Variants in C8orf89 observed in about 807,000 individuals in gnomAD.
C8orf89 encodes chromosome 8 open reading frame 89, also known as putative uncharacterized protein C8orf89.
A neutral mutation model predicts 15.8 loss-of-function variants in C8orf89; 14 were observed. That is an observed-to-expected ratio of 0.89 (90% confidence interval 0.59 to 1.39). The LOEUF (loss-of-function observed/expected upper bound fraction) is 1.39, where lower values mean the gene tolerates loss of function less well. Among genes scored for constraint, C8orf89 ranks in the 40% most tolerant of loss-of-function variants. The probability of loss-of-function intolerance (pLI) is 0.00; values close to 1 mark genes in which losing one functional copy is unlikely to be tolerated. For missense variants in C8orf89, 181 were observed against 184.5 expected (o/e 0.98, Z 0.11); for synonymous variants, 55 against 62.2 (o/e 0.88, Z 0.54).
chr8:73,272,473 A>G, the C8orf89 span, among the ~76,000 whole-genome samples: 1 of 151,956 alleles, frequency 6.6e-6, no homozygotes, highest in Non-Finnish European at 1.5e-5. Context: ...TTTTTATTAT[A>G]CTTTAAGTTC....
chr8:73,276,043 T>G, the C8orf89 span, among the ~76,000 whole-genome samples: 2 of 152,264 alleles, frequency 1.3e-5, no homozygotes, highest in African/African-American at 4.8e-5. Context: ...TTATTTCTGT[T>G]TGGTTTTTGT....
At chr8:73,253,368 G>A (rs534478143) in intron 2 of C8orf89, among the ~76,000 whole-genome samples, 14 of 152,262 alleles carry the variant, frequency 9.2e-5, no homozygotes, top group African/African-American at 2.6e-4. Flanking sequence ...GTCAGGTAGC[G>A]TGATGCCTCC....
At chr8:73,268,485 CA>C in the C8orf89 span, among the ~76,000 whole-genome samples, 10 of 143,460 alleles carry the variant, frequency 7.0e-5, no homozygotes, top group Admixed American at 1.4e-4. Flanking sequence ...TCTCAAAAAA[CA>C]AAAAAAAAAG....
intron 3 of C8orf89, among the ~76,000 whole-genome samples, chr8:73,250,052 G>C (rs1426475316): frequency 6.6e-6 from 1 of 152,118 alleles, no homozygotes; most frequent in Non-Finnish European, 1.5e-5. Flanking sequence ...TGGCCCAAGT[G>C]AGATATGATG....
chr8:73,281,646 T>C, the C8orf89 span, among the ~76,000 whole-genome samples: 1 of 152,166 alleles, frequency 6.6e-6, no homozygotes, highest in Non-Finnish European at 1.5e-5. Flanking sequence ...TTTGTTTGTT[T>C]GTTTGTTTAT....
At chr8:73,265,577 C>A in the C8orf89 span, among the ~76,000 whole-genome samples, 3 of 152,128 alleles carry the variant, frequency 2.0e-5, no homozygotes, top group Non-Finnish European at 4.4e-5. Flanking sequence ...TGGGCAATGA[C>A]ACAGAGGTAT....
the C8orf89 span, among the ~76,000 whole-genome samples, chr8:73,274,450 C>T: frequency 6.6e-6 from 1 of 152,122 alleles, no homozygotes; most frequent in South Asian, 2.1e-4. Flanking sequence ...CGCACCTGGC[C>T]ATTTCATCTT....
upstream of C8orf89, among the ~76,000 whole-genome samples, chr8:73,261,725 A>C (rs186291391): frequency 1.6e-4 from 24 of 152,280 alleles, no homozygotes; most frequent in East Asian, 3.7e-3. Flanking sequence ...GACAGTAAGG[A>C]GCTACAGAGC....
chr8:73,269,446 A>T, the C8orf89 span, among the ~76,000 whole-genome samples: 1 of 152,150 alleles, frequency 6.6e-6, no homozygotes. Context: ...CTAATACAGA[A>T]TTTTTCCAAA....
upstream of C8orf89, among the ~76,000 whole-genome samples, chr8:73,260,890 C>T (rs942950188): frequency 1.3e-5 from 2 of 152,146 alleles, no homozygotes; most frequent in Non-Finnish European, 2.9e-5. Context: ...TGGGTGGACA[C>T]GATCTAATCA....
At chr8:73,256,447 G>A (rs1813387435) in intron 2 of C8orf89, among the ~76,000 whole-genome samples, 1 of 151,856 alleles carries the variant, frequency 6.6e-6, no homozygotes, top group South Asian at 2.1e-4. Flanking sequence ...CCTTAAATCG[G>A]GGGTGGGTGC....
upstream of C8orf89, among the ~76,000 whole-genome samples, chr8:73,263,284 G>C (rs1429676755): frequency 1.3e-5 from 2 of 152,164 alleles, no homozygotes; most frequent in Non-Finnish European, 2.9e-5. Context: ...AGGCTGAGGT[G>C]GGTGGATCAG....
At chr8:73,285,552 C>T in the C8orf89 span, among the ~76,000 whole-genome samples, 1 of 152,256 alleles carries the variant, frequency 6.6e-6, no homozygotes, top group Non-Finnish European at 1.5e-5. Flanking sequence ...TGGCAAGTCC[C>T]CTGAGCCTCC....
At chr8:73,242,492 G>A (rs1221233304) in intron 3 of C8orf89, among the ~76,000 whole-genome samples, 2 of 151,960 alleles carry the variant, frequency 1.3e-5, no homozygotes, top group Non-Finnish European at 2.9e-5. Context: ...AGTTAAATGG[G>A]CCAAAAGACC....
rs559254473 is a variant in C8orf89 at position 73,257,998 on chromosome 8, G to A, written c.128-872C>T. 2.2e-4 allele frequency among the ~76,000 whole-genome samples: 34 copies of A among 152,278 alleles called. No homozygotes were observed. The South Asian group carries it at 2.7e-3, about 12-fold the overall frequency. Reference sequence around the variant, plus strand: ...ATTAGATTTGGGGGGTAGAAGGGTGGATAAACTGCTGTCTGAGTACCTTTA... The same window carrying A: ...ATTAGATTTGGGGGGTAGAAGGGTGAATAAACTGCTGTCTGAGTACCTTTA... On this transcript the variant is annotated intron_variant, in intron 1 of 3. Coordinates refer to ENST00000624510, the MANE Select transcript of C8orf89 (RefSeq NM_001243237.3).
chr8:73,271,439 G>A, the C8orf89 span, among the ~76,000 whole-genome samples: 5 of 152,082 alleles, frequency 3.3e-5, no homozygotes, highest in Non-Finnish European at 5.9e-5. Context: ...AGGGAGTTGT[G>A]ATAAAGCCAG....
At chr8:73,258,707 C>T (rs529016664) in intron 1 of C8orf89, among the ~76,000 whole-genome samples, 2 of 150,432 alleles carry the variant, frequency 1.3e-5, no homozygotes, top group African/African-American at 4.9e-5. Context: ...TGGCTCACTG[C>T]AGCCTCACCC....
chr8:73,256,414 A>G (rs1029483117), intron 2 of C8orf89, among the ~76,000 whole-genome samples: 2 of 152,020 alleles, frequency 1.3e-5, no homozygotes, highest in Admixed American at 1.3e-4. Context: ...AGGCTAGGAC[A>G]ATCAAGGTTT....
At chr8:73,273,471 C>G in the C8orf89 span, among the ~76,000 whole-genome samples, 1 of 152,232 alleles carries the variant, frequency 6.6e-6, no homozygotes, top group Admixed American at 6.5e-5. Context: ...CGCCTGCCAC[C>G]TTGGCCCTCT....
Sources: gnomAD v4.1 joint callset for allele counts (sites outside exome capture counted in the v4.1 genomes callset) on GRCh38, gnomAD v4.1.1 for gene constraint, MANE v1.5 for transcripts, NCBI Gene and HGNC (gene_info 2026-07-23, HGNC 2026-07-21) for gene names.